The following SPPL3 variants were observed in gnomAD, a reference collection of about 807,000 sequenced individuals.
The protein encoded by SPPL3 is signal peptide peptidase like 3.
In SPPL3, 5 loss-of-function variants were observed where a neutral mutation model predicts 42.4. That is an observed-to-expected ratio of 0.12 (90% CI 0.06 to 0.25). The LOEUF (loss-of-function observed/expected upper bound fraction) is 0.25. Ranked by LOEUF, SPPL3 falls within the 10% of genes least tolerant of loss-of-function variation. SPPL3 has a pLI of 1.00. For synonymous variants in SPPL3, 195 were observed against 181.8 expected (o/e 1.07, Z -0.58); for missense variants, 235 against 489.0 (o/e 0.48, Z 4.90).
At chr12:120,829,971 G>A (rs1437969918) in intron 1 of SPPL3, among the ~76,000 whole-genome samples, 4 of 147,808 alleles carry the variant, frequency 2.7e-5, no homozygotes, top group Non-Finnish European at 6.0e-5. Flanking sequence ...TCCAGGCTGG[G>A]TGACAAGAGC....
At chr12:120,892,597 A>G (rs117325028) in intron 1 of SPPL3, among the ~76,000 whole-genome samples, 1 of 152,358 alleles carries the variant, frequency 6.6e-6, no homozygotes, top group East Asian at 1.9e-4. Context: ...AAGCAGGGTT[A>G]TAAGACCAGA....
intron 1 of SPPL3, among the ~76,000 whole-genome samples, chr12:120,869,600 C>G (rs988214122): frequency 2.0e-5 from 3 of 152,170 alleles, no homozygotes; most frequent in Non-Finnish European, 2.9e-5. Context: ...ATTACCACAG[C>G]TGAGAACTAC....
Position 120,791,553 on chromosome 12 carries a change from G to T in SPPL3, c.106C>A (p.Leu36Ile). 6.3e-7 allele frequency: 1 copy of T among 1,593,688 alleles called. No individual in the cohort carries two copies. The highest frequency in any genetic ancestry group is 1.4e-5 in the African/African-American group (1 of 73,872). ...TCTTGATTTTCAAAGTCCATATTAA[G>T]GGACCTGTGGAAAAAAATTTTGTAG... ...LLIVYGSFRS[L>I]NMDFENQDKE... is the part of the protein sequence containing the mutation. The change falls in exon 3 of 11, where the codon CTT (leucine) becomes ATT (isoleucine). Residue 36 changes from leucine to isoleucine, a missense_variant. By Grantham distance (5) the Leu-to-Ile change is conservative. Coordinates refer to ENST00000353487, the MANE Select transcript of SPPL3 (RefSeq NM_139015.5).
intron 1 of SPPL3, among the ~76,000 whole-genome samples, chr12:120,831,109 CTTCGGTCCTTAGACA>C (rs1871413154): frequency 6.6e-6 from 1 of 152,066 alleles, no homozygotes; most frequent in Non-Finnish European, 1.5e-5. Flanking sequence ...AAACATTCAA[CTTCGGTCCTTAGACA>C]TTCCCACTCT....
intron 2 of SPPL3, among the ~76,000 whole-genome samples, chr12:120,799,456 C>T (rs1870215081): frequency 6.6e-6 from 1 of 152,124 alleles, no homozygotes; most frequent in Non-Finnish European, 1.5e-5. Flanking sequence ...TCTTCTGTAG[C>T]AGAAAGTAGT....
At chr12:120,791,353 G>GT (rs1361882916) in intron 3 of SPPL3, 116 bp downstream of exon 3, 7 of 650,118 alleles carry the variant, frequency 1.1e-5, no homozygotes, top group African/African-American at 9.4e-5. Context: ...ATAATTCAAT[G>GT]TTTTTTTATA....
chr12:120,849,808 C>T (rs985733446), intron 1 of SPPL3, among the ~76,000 whole-genome samples: 5 of 152,202 alleles, frequency 3.3e-5, no homozygotes, highest in African/African-American at 1.2e-4. Flanking sequence ...CCTCCCCCTA[C>T]AATTCTCATG....
intron 2 of SPPL3, among the ~76,000 whole-genome samples, chr12:120,807,167 C>T (rs1870526080): frequency 6.6e-6 from 1 of 152,100 alleles, no homozygotes; most frequent in Non-Finnish European, 1.5e-5. Context: ...AGATGCTCAT[C>T]AACTTTCCAA....
At chr12:120,897,340 G>C (rs1005149529) in intron 1 of SPPL3, among the ~76,000 whole-genome samples, 2 of 152,104 alleles carry the variant, frequency 1.3e-5, no homozygotes, top group Non-Finnish European at 2.9e-5. Flanking sequence ...AAATTCATGG[G>C]GTTAACTTTG....
chr12:120,861,169 C>T (rs896662003), intron 1 of SPPL3, among the ~76,000 whole-genome samples: 2 of 151,888 alleles, frequency 1.3e-5, no homozygotes, highest in African/African-American at 4.8e-5. Context: ...ATGTGGAACC[C>T]ACAGAGACAG....
intron 8 of SPPL3, among the ~76,000 whole-genome samples, 200 bp downstream of exon 8, chr12:120,768,121 TAATC>T (rs1462631406): frequency 6.6e-6 from 1 of 152,172 alleles, no homozygotes; most frequent in African/African-American, 2.4e-5. Flanking sequence ...TTGCTGACAT[TAATC>T]AATAATAAAA....
At chr12:120,797,382 G>A (rs1267667697) in intron 2 of SPPL3, among the ~76,000 whole-genome samples, 2 of 152,116 alleles carry the variant, frequency 1.3e-5, no homozygotes, top group Admixed American at 6.5e-5. Flanking sequence ...ACTATCTTAA[G>A]ATAGTTTGAC....
intron 2 of SPPL3, among the ~76,000 whole-genome samples, chr12:120,809,698 T>C (rs1870618972): frequency 6.6e-6 from 1 of 152,164 alleles, no homozygotes; most frequent in Non-Finnish European, 1.5e-5. Context: ...CCTATTCCTA[T>C]GGCTGCCTGC....
chr12:120,852,998 G>A (rs1337007181), intron 1 of SPPL3, among the ~76,000 whole-genome samples: 1 of 151,148 alleles, frequency 6.6e-6, no homozygotes, highest in African/African-American at 2.4e-5. Flanking sequence ...GGGTTCAAGC[G>A]ATTCTCCTGC....
At chr12:120,765,647 C>T (rs1012499780) in intron 10 of SPPL3, among the ~76,000 whole-genome samples, 3 of 151,976 alleles carry the variant, frequency 2.0e-5, no homozygotes, top group African/African-American at 7.2e-5. Flanking sequence ...AAATCTTACC[C>T]ATTCAAAAAT....
intron 6 of SPPL3, among the ~76,000 whole-genome samples, chr12:120,780,587 TA>T (rs34476118): frequency 0.32 from 39,563 of 124,592 alleles, 10,260 homozygotes; most frequent in African/African-American, 0.73. Flanking sequence ...TGTCTCTATT[TA>T]AAAAAAAAAA....
At chr12:120,902,047 G>A in intron 1 of SPPL3, 1 of 339,170 alleles carries the variant, frequency 2.9e-6, no homozygotes, top group Non-Finnish European at 4.2e-6. Context: ...GTAACCACAA[G>A]GCATGACAGA....
chr12:120,765,033 G>C lies in SPPL3; in HGVS notation c.1121C>G (p.Ser374Cys). Residue 374 changes from serine to cysteine, a missense_variant, in exon 11 of 11, where the codon TCC becomes TGC. By Grantham distance (112) the Ser-to-Cys change is moderately radical. Around this residue, in one of 6 missense-constraint regions of SPPL3, gnomAD observed 38 missense variants for 105.2 expected, o/e 0.36. Transcript: ENST00000353487. The stretch of plus-strand genomic sequence containing the variant: ...CAGGAATCGGGAGCTGCTGGACTTG[G>C]AGTGGAAAGGCTCAGACCACATCCG... ...LRRMWSEPFH[S>C]KSSSSRFLEV The C allele has an allele frequency of 6.2e-7, 1 of 1,614,008 alleles. No individual in the cohort carries two copies. The highest frequency in any genetic ancestry group is 8.5e-7 in the Non-Finnish European group (1 of 1,179,966).
intron 1 of SPPL3, among the ~76,000 whole-genome samples, chr12:120,890,660 G>A (rs572201356): frequency 4.0e-4 from 60 of 151,238 alleles, no homozygotes; most frequent in Admixed American, 9.9e-4. Context: ...CCAGACCACT[G>A]AGGATAAACA....
Sources: allele counts gnomAD v4.1 joint callset (sites outside exome capture counted in the v4.1 genomes callset), GRCh38; gene constraint gnomAD v4.1.1; regional missense constraint gnomAD v4.1.1; transcripts MANE v1.5; gene names NCBI Gene and HGNC (gene_info 2026-07-23, HGNC 2026-07-21).